MAST4: variants seen among roughly 807,000 people sequenced by gnomAD.
MAST4 encodes the protein microtubule-associated serine/threonine-protein kinase 4.
Under a neutral mutation model 162.7 loss-of-function variants are expected in MAST4, and 89 were observed. The observed-to-expected ratio is 0.55, with a 90% CI of 0.46 to 0.65. MAST4 has a LOEUF of 0.65. Among genes scored for constraint, MAST4 ranks in the 30% least tolerant of loss-of-function variants. MAST4 has a pLI of 0.00. For synonymous variants in MAST4, 1,479 were observed against 1,361.1 expected (o/e 1.09, Z -1.91); for missense variants, 3,153 against 3,374.0 (o/e 0.93, Z 1.62).
chr5:66,644,342 CA>C (rs752417364), intron 1 of MAST4, among the ~76,000 whole-genome samples: 6 of 152,136 alleles, frequency 3.9e-5, no homozygotes, highest in Non-Finnish European at 4.4e-5. Context: ...TGCATTTAGG[CA>C]GAGGAAAGGA....
In MAST4 at chr5:67,165,611, C is replaced by T; in HGVS notation, c.6432C>T (p.Ser2144=). 6.2e-7 allele frequency: 1 copy of T among 1,613,534 alleles called. No individual in the cohort carries two copies. The highest frequency in any genetic ancestry group is 8.5e-7 in the Non-Finnish European group (1 of 1,179,728). ...CCCCTCTGACGGCCAAAGACCTGTC[C>T]AGCCCGGCTGCCAGGCAGCATTGCA... ...PPPPLTAKDL[S]SPAARQHCSS... is the part of the protein sequence containing the mutation. The change falls in exon 29 of 29, where the codon TCC becomes TCT. Residue 2144 remains serine (S), a synonymous_variant. Coordinates refer to ENST00000403625, the MANE Select transcript of MAST4 (RefSeq NM_001164664.2).
chr5:66,876,171 C>T (rs1295718390), intron 3 of MAST4, among the ~76,000 whole-genome samples: 4 of 152,142 alleles, frequency 2.6e-5, no homozygotes, highest in African/African-American at 7.2e-5. Context: ...CCCAGAGTGT[C>T]GTTTAACTGG....
Position 67,165,159 on chromosome 5 carries a change from A to C in MAST4, c.5980A>C (p.Arg1994=), listed in dbSNP as rs564655462. ...ERSAARADTC[R]EPSMELCFPE... The stretch of plus-strand genomic sequence containing the variant: ...CTCTGCTGCGAGGGCTGACACATGC[A>C]GAGAGCCCTCCATGGAACTGTGCTT... Residue 1994 remains arginine, a synonymous_variant, in exon 29 of 29, where the codon AGA becomes CGA. Transcript: ENST00000403625. 15 of 1,599,346 alleles carry C rather than the reference A, an allele frequency of 9.4e-6. No individual in the cohort carries two copies. In the African/African-American group the frequency reaches 1.9e-4, roughly 20 times the overall value.
chr5:66,624,532 TA>T (rs34002347), intron 1 of MAST4, among the ~76,000 whole-genome samples: 38,552 of 151,716 alleles, frequency 0.25, 5,007 homozygotes, highest in Admixed American at 0.33. Context: ...TTTACAGAAA[TA>T]AAAAAACTAA....
chr5:66,710,393 C>T (rs1750418779), intron 1 of MAST4, among the ~76,000 whole-genome samples: 2 of 152,148 alleles, frequency 1.3e-5, no homozygotes. Flanking sequence ...AAGAGAAGGG[C>T]ACTTTAGTAG....
chr5:66,911,659 C>T (rs1434412828), intron 4 of MAST4, among the ~76,000 whole-genome samples: 1 of 145,604 alleles, frequency 6.9e-6, no homozygotes, highest in East Asian at 2.1e-4. Flanking sequence ...TTGCTTGAAC[C>T]CAGGAGTTTG....
At chr5:66,769,320 G>A (rs935500236) in intron 2 of MAST4, among the ~76,000 whole-genome samples, 1 of 152,152 alleles carries the variant, frequency 6.6e-6, no homozygotes, top group Non-Finnish European at 1.5e-5. Flanking sequence ...AAAGCCAGTG[G>A]GAATTTGGAA....
At chr5:66,835,889 G>A (rs1000827114) in intron 3 of MAST4, among the ~76,000 whole-genome samples, 3 of 152,116 alleles carry the variant, frequency 2.0e-5, no homozygotes, top group Non-Finnish European at 4.4e-5. Flanking sequence ...ATGCTTTTGG[G>A]ATGGGTGCAG....
At chr5:66,982,486 C>T (rs375097020) in intron 4 of MAST4, among the ~76,000 whole-genome samples, 29 of 152,052 alleles carry the variant, frequency 1.9e-4, no homozygotes, top group African/African-American at 5.8e-4. Flanking sequence ...CTGAAGCCAC[C>T]GTGACAATCT....
At chr5:66,777,233 C>T (rs1006170852) in intron 2 of MAST4, among the ~76,000 whole-genome samples, 15 of 152,154 alleles carry the variant, frequency 9.9e-5, no homozygotes, top group African/African-American at 2.9e-4. Context: ...GCTCCAAGTT[C>T]CCAGTGCTGG....
At chr5:66,999,785 C>T (rs1274857676) in intron 4 of MAST4, among the ~76,000 whole-genome samples, 1 of 151,918 alleles carries the variant, frequency 6.6e-6, no homozygotes, top group African/African-American at 2.4e-5. Context: ...TACCTTGTGG[C>T]ATTATTTTAA....
chr5:66,827,300 A>G (rs1757312050), intron 3 of MAST4, among the ~76,000 whole-genome samples: 1 of 152,112 alleles, frequency 6.6e-6, no homozygotes, highest in Non-Finnish European at 1.5e-5. Flanking sequence ...AGAGCTAAAA[A>G]CTCTCTGGGG....
intron 6 of MAST4, 80 bp from the exon 7 acceptor site, chr5:67,095,517 C>T (rs1463331536): frequency 9.3e-7 from 1 of 1,073,954 alleles, no homozygotes; most frequent in Non-Finnish European, 1.4e-6. Flanking sequence ...ATTTGTTTGA[C>T]TAAAAATACT....
chr5:66,959,318 T>G (rs748249449), intron 4 of MAST4: 4 of 779,538 alleles, frequency 5.1e-6, no homozygotes, highest in Admixed American at 1.7e-5. Flanking sequence ...GTCTTTAATA[T>G]TTTAATGCTT....
chr5:66,898,124 G>T (rs1017015438), intron 3 of MAST4, among the ~76,000 whole-genome samples: 2 of 152,112 alleles, frequency 1.3e-5, no homozygotes, highest in Non-Finnish European at 2.9e-5. Context: ...CTAGGCCTTT[G>T]CTCTGCACTA....
At chr5:66,686,558 A>C (rs1433079436) in intron 1 of MAST4, among the ~76,000 whole-genome samples, 1 of 152,190 alleles carries the variant, frequency 6.6e-6, no homozygotes, top group Non-Finnish European at 1.5e-5. Context: ...ATTTTTCTTC[A>C]TTAACTCTGC....
intron 3 of MAST4, among the ~76,000 whole-genome samples, chr5:66,875,516 A>T (rs1047470748): frequency 2.6e-5 from 4 of 152,360 alleles, no homozygotes; most frequent in African/African-American, 9.6e-5. Context: ...GAACAAAAGC[A>T]TCTCAATCTC....
At chr5:66,605,808 A>G (rs1302960303) in intron 1 of MAST4, among the ~76,000 whole-genome samples, 1 of 151,798 alleles carries the variant, frequency 6.6e-6, no homozygotes. Flanking sequence ...ACAACTTGGA[A>G]CTCTTGATTT....
At chr5:66,942,400 C>G (rs950794955) in intron 4 of MAST4, among the ~76,000 whole-genome samples, 1 of 152,130 alleles carries the variant, frequency 6.6e-6, no homozygotes, top group African/African-American at 2.4e-5. Flanking sequence ...ATGACAAAAG[C>G]TGTTGGGGAA....
Sources: allele counts gnomAD v4.1 joint callset (sites outside exome capture counted in the v4.1 genomes callset), GRCh38; gene constraint gnomAD v4.1.1; transcripts MANE v1.5; gene names NCBI Gene and HGNC (gene_info 2026-07-23, HGNC 2026-07-21).